The following ZNF30 variants were observed in gnomAD, a reference collection of about 807,000 sequenced individuals.
ZNF30 encodes zinc finger protein 30.
ZNF30 carries 15 observed loss-of-function variants against 13.2 expected under a neutral mutation model. The observed-to-expected ratio is 1.13, with a 90% CI of 0.76 to 1.75. The LOEUF (loss-of-function observed/expected upper bound fraction) is 1.75, where lower values mean the gene tolerates loss of function less well. ZNF30 is among the 40% of genes most tolerant of loss of function. The pLI is 0.00. For synonymous variants in ZNF30, 223 were observed against 256.6 expected, an observed-to-expected ratio of 0.87 and a Z score of 1.25; for missense variants, 726 against 757.0, an observed-to-expected ratio of 0.96 and a Z score of 0.48.
At chr19:34,926,823 C>T (rs954599546), upstream of ZNF30, 3 of 396,386 alleles carry the variant, frequency 7.6e-6, no homozygotes, top group Admixed American at 8.8e-5. Context: ...GTCTATGGCT[C>T]CCAGCAACTC....
chr19:34,943,850 AG>A lies in ZNF30; in HGVS notation c.886del (p.Ala296ProfsTer74). ...CCTTACGAATGCAAAGAATGTGGGA[AG>A]GCCTTTAGCACTAGCTCACCCCTTG... ...EKPYECKECGKAFSTSSPLAK... is the reference protein window; with the variant it reads ...EKPYECKECGXAFSTSSPLAK... On this transcript the variant is annotated frameshift_variant, in exon 5 of 5. Coordinates refer to ENST00000601142, the MANE Select transcript of ZNF30 (RefSeq NM_194325.3). LOFTEE classifies it low-confidence loss of function (END_TRUNC). The A allele has an allele frequency of 6.2e-7, 1 of 1,614,184 alleles. No individual in the cohort carries two copies. Among genetic ancestry groups the A allele is most frequent in the Non-Finnish European group, 8.5e-7 (1 of 1,180,028 alleles).
intron 4 of ZNF30, chr19:34,942,460 G>A (rs2013092810): frequency 2.0e-5 from 7 of 354,978 alleles, no homozygotes; most frequent in South Asian, 1.2e-4. Flanking sequence ...AAAAAGAAAA[G>A]AAAAAAAGAA....
At chr19:34,932,133 A>G in intron 3 of ZNF30, 140 bp downstream of exon 3, 1 of 804,136 alleles carries the variant, frequency 1.2e-6, no homozygotes, top group Non-Finnish European at 1.8e-6. Flanking sequence ...TAGGTTGGAA[A>G]TGATCCAGTG....
At chr19:34,937,800 T>C (rs933142514) in intron 4 of ZNF30, among the ~76,000 whole-genome samples, 1 of 151,474 alleles carries the variant, frequency 6.6e-6, no homozygotes, top group African/African-American at 2.4e-5. Context: ...TTGACCACAA[T>C]ATATATATAT....
intron 1 of ZNF30, 46 bp downstream of exon 1, chr19:34,927,262 G>A (rs527329625): frequency 1.9e-5 from 7 of 364,596 alleles, no homozygotes; most frequent in Middle Eastern, 6.8e-4. Context: ...CGGCGAGTGC[G>A]GGAGCGGCAG....
At chr19:34,929,826 A>G (rs2012342689) in intron 1 of ZNF30, 58 bp from the exon 2 acceptor site, 17 of 886,464 alleles carry the variant, frequency 1.9e-5, no homozygotes, top group Non-Finnish European at 2.9e-5. Flanking sequence ...AGGAAGGTTT[A>G]TTAATGTATG....
chr19:34,943,721 G>A lies in ZNF30; in HGVS notation c.755G>A (p.Ser252Asn), dbSNP rs1383769311. ...TATGGAAAGCTTACCCGGCATCAGA[G>A]TACTCACACTGGTGAAAAACCCTTT... ...LVYGKLTRHQ[S>N]THTGEKPFGC... The change falls in exon 5 of 5, where the codon AGT (serine) becomes AAT (asparagine). Residue 252 changes from serine to asparagine, a missense_variant. By Grantham distance (46) the Ser-to-Asn change is conservative. Coordinates refer to ENST00000601142, the MANE Select transcript of ZNF30 (RefSeq NM_194325.3). 1.2e-6 allele frequency: 2 copies of A among 1,613,732 alleles called. No homozygotes were observed. Among genetic ancestry groups the A allele is most frequent in the East Asian group, 2.2e-5 (1 of 44,886 alleles).
At chr19:34,928,252 T>TATATATATATATATATATAG (rs1325117057) in intron 1 of ZNF30, among the ~76,000 whole-genome samples, 3 of 56,568 alleles carry the variant, frequency 5.3e-5, no homozygotes, top group Non-Finnish European at 6.0e-5. Context: ...TATATATATA[T>TATATATATATATATATATAG]ATAGATAGAT....
intron 4 of ZNF30, among the ~76,000 whole-genome samples, chr19:34,939,981 G>A (rs949976794): frequency 1.3e-5 from 2 of 152,146 alleles, no homozygotes; most frequent in African/African-American, 4.8e-5. Context: ...TTGTAAAATT[G>A]AATGAAATTT....
At chr19:34,928,220 A>AAAAATATATATATATAT (rs1555778254) in intron 1 of ZNF30, among the ~76,000 whole-genome samples, 14 of 73,410 alleles carry the variant, frequency 1.9e-4, no homozygotes, top group African/African-American at 6.2e-4. Context: ...AAAAAAAAAA[A>AAAAATATATATATATAT]ATATATATAT....
intron 1 of ZNF30, among the ~76,000 whole-genome samples, chr19:34,929,083 C>G (rs1326160878): frequency 2.0e-5 from 3 of 152,100 alleles, no homozygotes; most frequent in African/African-American, 7.2e-5. Flanking sequence ...GAGATGGAGA[C>G]CATCCTGGCC....
intron 4 of ZNF30, among the ~76,000 whole-genome samples, chr19:34,936,101 C>T (rs1316047899): frequency 2.6e-5 from 4 of 152,168 alleles, no homozygotes; most frequent in Non-Finnish European, 4.4e-5. Context: ...TCCCACAACA[C>T]GTGGGAATTA....
At chr19:34,924,010 G>T (rs2011987919), upstream of ZNF30, among the ~76,000 whole-genome samples, 1 of 152,180 alleles carries the variant, frequency 6.6e-6, no homozygotes, top group South Asian at 2.1e-4. Flanking sequence ...TGAGGGATCA[G>T]GGACTGTCAT....
intron 4 of ZNF30, among the ~76,000 whole-genome samples, chr19:34,935,572 CT>C (rs1158791551): frequency 4.6e-5 from 7 of 152,128 alleles, no homozygotes; most frequent in African/African-American, 7.2e-5. Context: ...CATTGTCCCC[CT>C]CTGCCTTTTC....
At chr19:34,925,806 C>T (rs1488596444), upstream of ZNF30, among the ~76,000 whole-genome samples, 1 of 151,138 alleles carries the variant, frequency 6.6e-6, no homozygotes, top group East Asian at 2.0e-4. Context: ...CCCCAGCACT[C>T]CCCTTCCCCA....
chr19:34,937,146 G>A (rs1204704078), intron 4 of ZNF30, among the ~76,000 whole-genome samples: 2 of 151,916 alleles, frequency 1.3e-5, no homozygotes, highest in East Asian at 3.9e-4. Context: ...TGAGTAGCTG[G>A]GATTATAGGC....
chr19:34,929,849 C>CATTA, intron 1 of ZNF30, 35 bp from the exon 2 acceptor site: 1 of 1,157,310 alleles, frequency 8.6e-7, no homozygotes, highest in East Asian at 2.5e-5. Context: ...ATTGAGAACA[C>CATTA]TAAAGCCTCC....
intron 1 of ZNF30, among the ~76,000 whole-genome samples, chr19:34,928,929 C>T (rs2012280331): frequency 6.6e-6 from 1 of 152,196 alleles, no homozygotes. Context: ...TTCCGTCAGA[C>T]ATCTACTGAG....
At position 34,943,453 on chromosome 19, in the gene ZNF30, C is replaced by A. The variant is rs2013152485; in HGVS notation, c.487C>A (p.Leu163Ile). Residue 163 changes from leucine to isoleucine, a missense_variant, in exon 5 of 5, where the codon CTC becomes ATC. By Grantham distance (5) the Leu-to-Ile change is conservative (BLOSUM62 2). Transcript: ENST00000601142. ...GAAGAACTTTAGTAATGGACATCAA[C>A]TCACCATACATCAGAGATTGCATGT... is the stretch of plus-strand genomic sequence containing the variant. ...CGKNFSNGHQ[L>I]TIHQRLHVGE... 3 of 1,613,970 alleles carry A rather than the reference C, an allele frequency of 1.9e-6. No homozygotes were observed. The African/African-American group carries it at 4.0e-5, about 22-fold the overall frequency.
Sources: allele counts gnomAD v4.1 joint callset (sites outside exome capture counted in the v4.1 genomes callset), GRCh38; gene constraint gnomAD v4.1.1; transcripts MANE v1.5; gene names NCBI Gene and HGNC (gene_info 2026-07-23, HGNC 2026-07-21).